The following CYTH3 variants were observed in gnomAD, a reference collection of about 807,000 sequenced individuals.
CYTH3 encodes cytohesin 3.
In CYTH3, 23 loss-of-function variants were observed where a neutral mutation model predicts 55.1. The observed-to-expected ratio is 0.42, with a 90% CI of 0.30 to 0.59. The LOEUF is 0.59. Ranked by LOEUF, CYTH3 falls within the 20% of genes least tolerant of loss-of-function variation. CYTH3 has a pLI of 0.20. For missense variants in CYTH3, 413 were observed against 524.8 expected, an observed-to-expected ratio of 0.79 and a Z score of 2.08; for synonymous variants, 249 against 194.9, an observed-to-expected ratio of 1.28 and a Z score of -2.31.
chr7:6,180,687 AAAAG>A (rs1783483644), intron 4 of CYTH3, among the ~76,000 whole-genome samples: 1 of 152,226 alleles, frequency 6.6e-6, no homozygotes, highest in Non-Finnish European at 1.5e-5. Context: ...AAATACTCAT[AAAAG>A]AAAGTGAGTG....
chr7:6,213,816 G>C lies in CYTH3; in HGVS notation c.35-23285C>G, dbSNP rs138595087. Among the ~76,000 whole-genome samples, 822 of 152,096 alleles carry C rather than the reference G, an allele frequency of 5.4e-3. 14 individuals carry two copies. Among genetic ancestry groups the C allele is most frequent in the African/African-American group, 0.019 (790 of 41,486 alleles). ...GCCAGCAAGGCAGGAACCCATCACA[G>C]GGGCCCAGCCCAGAAGACAGCCCAT... On this transcript the variant is annotated intron_variant, in intron 1 of 12. Transcript: ENST00000350796.
intron 1 of CYTH3, among the ~76,000 whole-genome samples, chr7:6,232,187 T>C (rs994486904): frequency 2.0e-5 from 3 of 152,134 alleles, no homozygotes; most frequent in South Asian, 2.1e-4. Flanking sequence ...TCCAGACATA[T>C]GCACAATTCT....
chr7:6,245,919 C>T (rs1027677961), intron 1 of CYTH3, among the ~76,000 whole-genome samples: 8 of 151,746 alleles, frequency 5.3e-5, no homozygotes, highest in Non-Finnish European at 1.2e-4. Context: ...TTTTTGAGAC[C>T]GAGTTTGGGG....
intron 1 of CYTH3, among the ~76,000 whole-genome samples, chr7:6,240,335 C>T (rs912235643): frequency 6.8e-6 from 1 of 147,692 alleles, no homozygotes. Flanking sequence ...GAAGCTGTTT[C>T]TTTTCTGTTG....
intron 1 of CYTH3, among the ~76,000 whole-genome samples, chr7:6,229,648 GAAAAAAA>G (rs35933979): frequency 4.6e-5 from 5 of 108,642 alleles, no homozygotes; most frequent in African/African-American, 1.1e-4. Flanking sequence ...CGTCTCTACT[GAAAAAAA>G]AAAAAAAAAA....
rs746125546 is a variant in CYTH3, at chr7:6,167,285, G to A, written c.824-1475C>T. ...CACAGGGGAGGGCAGGAGACCCTGG[G>A]GGCAACCTGCCTTGTCCCACAGTCC... On this transcript the variant is annotated intron_variant, in intron 9 of 12. Coordinates refer to ENST00000350796, the MANE Select transcript of CYTH3 (RefSeq NM_004227.4). The surrounding 1 kb of genome is among the most constrained non-coding windows in gnomAD (Gnocchi z 5.5). Among the ~76,000 whole-genome samples the A allele has an allele frequency of 1.3e-5, 2 of 152,204 alleles. No individual in the cohort carries two copies. Among genetic ancestry groups the A allele is most frequent in the African/African-American group, 2.4e-5 (1 of 41,454 alleles).
At chr7:6,271,452 T>A (rs1780651214) in intron 1 of CYTH3, among the ~76,000 whole-genome samples, 1 of 151,732 alleles carries the variant, frequency 6.6e-6, no homozygotes, top group East Asian at 1.9e-4. Context: ...ATGATTCTGA[T>A]GATTTCTCTG....
In CYTH3 at chr7:6,170,663, C is replaced by G; in HGVS notation, c.712-17G>C. The G allele has an allele frequency of 1.9e-6, 3 of 1,610,290 alleles. No individual in the cohort carries two copies. Among genetic ancestry groups the G allele is most frequent in the Non-Finnish European group, 2.5e-6 (3 of 1,178,036 alleles). Reference sequence around the variant, plus strand: ...ATACAAATTCTGCAAGGAGGGAAAACAGCAGCCAGTTCAGAGACTCGGAGG... The same window carrying G: ...ATACAAATTCTGCAAGGAGGGAAAAGAGCAGCCAGTTCAGAGACTCGGAGG... On this transcript the variant is annotated splice_polypyrimidine_tract_variant and intron_variant, in intron 8 of 12. Coordinates refer to ENST00000350796, the MANE Select transcript of CYTH3 (RefSeq NM_004227.4). This position sits in a 1 kb window ranked among gnomAD's most constrained non-coding sequence, Gnocchi z 7.8.
intron 1 of CYTH3, among the ~76,000 whole-genome samples, chr7:6,221,300 C>G (rs113111129): frequency 6.6e-6 from 1 of 152,128 alleles, no homozygotes; most frequent in African/African-American, 2.4e-5. Flanking sequence ...TTTAAAAACC[C>G]AGAAACAACC....
At chr7:6,259,680 ACT>A (rs1435823133) in intron 1 of CYTH3, among the ~76,000 whole-genome samples, 6 of 131,206 alleles carry the variant, frequency 4.6e-5, no homozygotes, top group African/African-American at 1.9e-4. Context: ...TGTATTTTCT[ACT>A]CTCATTTAAA....
At chr7:6,260,525 C>A (rs1268831939) in intron 1 of CYTH3, among the ~76,000 whole-genome samples, 5 of 152,126 alleles carry the variant, frequency 3.3e-5, no homozygotes, top group Non-Finnish European at 7.4e-5. Context: ...AAAGACACAC[C>A]TTCCCCCACT....
intron 4 of CYTH3, among the ~76,000 whole-genome samples, chr7:6,179,891 C>T (rs1252969274): frequency 2.0e-5 from 3 of 146,790 alleles, no homozygotes; most frequent in Non-Finnish European, 4.5e-5. Context: ...ACACACCACA[C>T]ACACCCACAC....
chr7:6,195,815 A>G (rs1406509292), intron 1 of CYTH3, among the ~76,000 whole-genome samples: 2 of 152,218 alleles, frequency 1.3e-5, no homozygotes, highest in East Asian at 3.8e-4. Flanking sequence ...ATTCTTTCCC[A>G]GGAGAAAAAG....
rs955374083 is a variant in CYTH3 at position 6,177,706 on chromosome 7, G to A, written c.368+117C>T. ...TGAGACGGGCATGTGGATGCCCACA[G>A]CCCGTGGCTCTATCATGCCTTTAGG... On this transcript the variant is annotated intron_variant, in intron 5 of 12. Transcript: ENST00000350796. 5.2e-6 allele frequency: 4 copies of A among 769,322 alleles called. No homozygotes were observed. The East Asian group carries it at 7.4e-5, about 14-fold the overall frequency. 47.7% of individuals were successfully genotyped at this position (769,322 alleles called of 1,614,324 possible).
intron 1 of CYTH3, among the ~76,000 whole-genome samples, chr7:6,226,130 A>C (rs962036611): frequency 1.3e-5 from 2 of 152,238 alleles, no homozygotes; most frequent in African/African-American, 4.8e-5. Context: ...GTTTTTTAAA[A>C]AAATTAAAAA....
intron 5 of CYTH3, 129 bp downstream of exon 5, chr7:6,177,694 T>G: frequency 2.8e-6 from 2 of 705,654 alleles, no homozygotes; most frequent in South Asian, 1.8e-5. Context: ...GACGGGCATG[T>G]GGATGCCCAC....
intron 1 of CYTH3, among the ~76,000 whole-genome samples, chr7:6,258,352 A>C (rs910492058): frequency 6.6e-6 from 1 of 151,836 alleles, no homozygotes; most frequent in Non-Finnish European, 1.5e-5. Context: ...AACTCCTCAT[A>C]TATTTATTTG....
Position 6,199,140 on chromosome 7 carries a change from GGA to G in CYTH3, c.35-8611_35-8610del, listed in dbSNP as rs370694431. Reference sequence around the variant, plus strand: ...CCAGTGAAGCTTTACATAAGAATCAGGAGCAAATTCACATCATTCAGCCAAAA... The same window carrying G: ...CCAGTGAAGCTTTACATAAGAATCAGGCAAATTCACATCATTCAGCCAAAA... On this transcript the variant is annotated intron_variant, in intron 1 of 12. Transcript: ENST00000350796. 4.5e-4 allele frequency among the ~76,000 whole-genome samples: 68 copies of G among 152,332 alleles called. No individual in the cohort carries two copies. In the East Asian group the frequency reaches 0.012, roughly 27 times the overall value.
chr7:6,228,052 G>A (rs530231735), intron 1 of CYTH3, among the ~76,000 whole-genome samples: 1 of 152,286 alleles, frequency 6.6e-6, no homozygotes, highest in East Asian at 1.9e-4. Context: ...AATGAATGTG[G>A]AAATGTGAAG....
Sources: allele counts gnomAD v4.1 joint callset (sites outside exome capture counted in the v4.1 genomes callset), GRCh38; gene constraint gnomAD v4.1.1; non-coding constraint Gnocchi (gnomAD v3.1); transcripts MANE v1.5; gene names NCBI Gene and HGNC (gene_info 2026-07-23, HGNC 2026-07-21).